CFAP53: variants seen among roughly 807,000 people sequenced by gnomAD.
CFAP53 encodes the protein cilia- and flagella-associated protein 53.
A neutral mutation model predicts 59.7 loss-of-function variants in CFAP53; 62 were observed. The observed-to-expected ratio is 1.04, with a 90% CI of 0.85 to 1.28. The LOEUF (loss-of-function observed/expected upper bound fraction) is 1.28. Among genes scored for constraint, CFAP53 ranks in the 50% most tolerant of loss-of-function variants. The pLI is 0.00. For synonymous variants in CFAP53, 218 were observed against 205.7 expected, an observed-to-expected ratio of 1.06 and a Z score of -0.51; for missense variants, 629 against 615.6, an observed-to-expected ratio of 1.02 and a Z score of -0.23.
chr18:50,243,700 C>T (rs987431942), intron 5 of CFAP53, among the ~76,000 whole-genome samples: 53 of 152,108 alleles, frequency 3.5e-4, no homozygotes, highest in African/African-American at 1.2e-3. Context: ...GCCTGTAATC[C>T]CAGCACTTTG....
At chr18:50,247,683 T>C (rs745723572) in intron 5 of CFAP53, among the ~76,000 whole-genome samples, 7 of 152,190 alleles carry the variant, frequency 4.6e-5, no homozygotes, top group Non-Finnish European at 1.0e-4. Flanking sequence ...TTGAAAACAT[T>C]ATGCTAAGTG....
At chr18:50,266,078 A>C (rs943202511) in intron 1 of CFAP53, among the ~76,000 whole-genome samples, 8 of 152,238 alleles carry the variant, frequency 5.3e-5, no homozygotes, top group African/African-American at 1.9e-4. Flanking sequence ...ATTCTCCAAA[A>C]ACAGAACCTA....
intron 6 of CFAP53, among the ~76,000 whole-genome samples, chr18:50,240,887 G>A (rs978438539): frequency 5.3e-5 from 8 of 152,182 alleles, no homozygotes; most frequent in African/African-American, 1.9e-4. Context: ...CTGGTCCATT[G>A]GGCTGGACAT....
At position 50,262,885 on chromosome 18, in the gene CFAP53, A is replaced by G. The variant is rs1474861829; in HGVS notation, c.70-666T>C. 2.0e-5 allele frequency among the ~76,000 whole-genome samples: 3 copies of G among 152,194 alleles called. No homozygotes were observed. In the East Asian group the frequency reaches 5.8e-4, roughly 29 times the overall value. On this transcript the variant is annotated intron_variant, in intron 1 of 7. Transcript: ENST00000398545. Reference sequence around the variant, plus strand: ...AAGCTGGTGGTAGAACTTTATTCCTATTTCTATGGTGCCCAGAAGTTTTAA... The same window carrying G: ...AAGCTGGTGGTAGAACTTTATTCCTGTTTCTATGGTGCCCAGAAGTTTTAA...
chr18:50,255,752 A>G (rs969972412), intron 3 of CFAP53, among the ~76,000 whole-genome samples: 1 of 152,158 alleles, frequency 6.6e-6, no homozygotes, highest in African/African-American at 2.4e-5. Context: ...TGCATATGCC[A>G]TCAAAGGACA....
chr18:50,229,266 C>T lies in CFAP53; in HGVS notation c.1317-1657G>A, dbSNP rs180956265. Among the ~76,000 whole-genome samples, 671 of 152,234 alleles carry T rather than the reference C, an allele frequency of 4.4e-3. 2 individuals are homozygous for T. The highest frequency in any genetic ancestry group is 7.4e-3 in the Non-Finnish European group (504 of 68,000). On this transcript the variant is annotated intron_variant, in intron 7 of 7. Transcript: ENST00000398545. The stretch of plus-strand genomic sequence containing the variant: ...TTTTCTCCCCACAACCCCTGGTAAC[C>T]ACCATTCTACTTTATGTTTCTATAA...
At chr18:50,245,182 A>ACCAT (rs1449153681) in intron 5 of CFAP53, among the ~76,000 whole-genome samples, 105 of 151,454 alleles carry the variant, frequency 6.9e-4, no homozygotes, top group African/African-American at 2.3e-3. Flanking sequence ...GGAGATCGAG[A>ACCAT]CCATCCTGGC....
chr18:50,256,925 A>T (rs928493155), intron 3 of CFAP53, among the ~76,000 whole-genome samples: 5 of 148,816 alleles, frequency 3.4e-5, no homozygotes, highest in Non-Finnish European at 7.4e-5. Flanking sequence ...GCTTAACATG[A>T]TACACACCTT....
Position 50,266,489 on chromosome 18 carries a change from G to T in CFAP53, c.-85C>A, listed in dbSNP as rs547732125. On this transcript the variant is annotated 5_prime_UTR_variant, in exon 1 of 8. It adds an upstream start codon to the 5' untranslated region. Coordinates refer to ENST00000398545, the MANE Select transcript of CFAP53 (RefSeq NM_145020.5). ...CTGCGGGACCCGCTTCCGCGACGCAGAAGTCTGGTTGCCATGGTGCGCCTC... is the reference window on the plus strand; with the variant it reads ...CTGCGGGACCCGCTTCCGCGACGCATAAGTCTGGTTGCCATGGTGCGCCTC... 2 of 1,386,610 alleles carry T rather than the reference G, an allele frequency of 1.4e-6. No homozygotes were observed. The highest frequency in any genetic ancestry group is 2.3e-5 in the South Asian group (2 of 86,590). The allele number at this position is 1,386,610 out of a possible 1,614,324, so 85.9% of individuals were successfully genotyped here. A position where few individuals can be genotyped will look rare whatever the true frequency, so the allele number is the denominator to read the frequency against.
At chr18:50,259,218 T>C (rs146587132) in intron 3 of CFAP53, among the ~76,000 whole-genome samples, 1,969 of 152,208 alleles carry the variant, frequency 0.013, 31 homozygotes, top group African/African-American at 0.044. Flanking sequence ...CATCAACAGA[T>C]GAATGGATAA....
At chr18:50,251,930 C>G in intron 3 of CFAP53, 146 bp from the exon 4 acceptor site, 1 of 730,974 alleles carries the variant, frequency 1.4e-6, no homozygotes, top group Non-Finnish European at 2.3e-6. Flanking sequence ...CAAGAGGGAG[C>G]AGCAGGGAGG....
intron 5 of CFAP53, 84 bp from the exon 6 acceptor site, chr18:50,243,200 C>A: frequency 1.1e-6 from 1 of 899,774 alleles, no homozygotes; most frequent in Non-Finnish European, 1.8e-6. Context: ...TCTTTAAAAG[C>A]TCCAATCCCA....
intron 7 of CFAP53, among the ~76,000 whole-genome samples, chr18:50,229,946 C>G (rs761158982): frequency 5.3e-5 from 8 of 151,924 alleles, no homozygotes; most frequent in Non-Finnish European, 1.2e-4. Flanking sequence ...TTTTTAGAGA[C>G]AGAGTTACAC....
At chr18:50,261,540 G>A (rs1599132811) in intron 2 of CFAP53, among the ~76,000 whole-genome samples, 1 of 151,718 alleles carries the variant, frequency 6.6e-6, no homozygotes. Flanking sequence ...CTACAGGCAG[G>A]TGCCCCTATG....
chr18:50,251,839 A>G, intron 3 of CFAP53, 55 bp from the exon 4 acceptor site: 6 of 1,426,756 alleles, frequency 4.2e-6, no homozygotes, highest in Non-Finnish European at 5.8e-6. Context: ...GCACTGCTCT[A>G]TTGAGGCACA....
chr18:50,259,362 A>T (rs1329306962), intron 3 of CFAP53, among the ~76,000 whole-genome samples: 1 of 152,010 alleles, frequency 6.6e-6, no homozygotes, highest in East Asian at 1.9e-4. Context: ...AGAAAGACAA[A>T]CATTGCATGT....
At chr18:50,227,854 C>T (rs1303916532) in intron 7 of CFAP53, among the ~76,000 whole-genome samples, 1 of 151,188 alleles carries the variant, frequency 6.6e-6, no homozygotes, top group Non-Finnish European at 1.5e-5. Flanking sequence ...ATGTTCACTG[C>T]TATGTGGTAA....
In CFAP53 at chr18:50,251,712, T is replaced by C; in HGVS notation, c.546A>G (p.Ala182=). The C allele has an allele frequency of 6.2e-7, 1 of 1,614,254 alleles. No homozygotes were observed. Among genetic ancestry groups the C allele is most frequent in the Non-Finnish European group, 8.5e-7 (1 of 1,180,042 alleles). ...TCAGCTCCTCATTAAATGCAATCTG[T>C]GCTTTCCGCTCCTCACACACCTTCT... The part of the protein sequence containing the change: ...HQKKVCEERK[A]QIAFNEELSR... Residue 182 remains alanine, a synonymous_variant, in exon 4 of 8, where the codon GCA becomes GCG. Transcript: ENST00000398545.
chr18:50,263,360 T>A (rs1197784079), intron 1 of CFAP53, among the ~76,000 whole-genome samples: 2 of 152,174 alleles, frequency 1.3e-5, no homozygotes, highest in Non-Finnish European at 2.9e-5. Flanking sequence ...ACCATCAGGA[T>A]TACCAGAATA....
Sources: gnomAD v4.1 joint callset for allele counts (sites outside exome capture counted in the v4.1 genomes callset) on GRCh38, gnomAD v4.1.1 for gene constraint, MANE v1.5 for transcripts, NCBI Gene and HGNC (gene_info 2026-07-23, HGNC 2026-07-21) for gene names.